SPATA13: variants seen among roughly 807,000 people sequenced by gnomAD.
SPATA13 encodes the protein spermatogenesis-associated protein 13.
A neutral mutation model predicts 104.0 loss-of-function variants in SPATA13; 50 were observed. The ratio of observed to expected loss-of-function variants is 0.48; its 90% CI spans 0.38 to 0.61. The LOEUF (loss-of-function observed/expected upper bound fraction) is 0.61, where lower values mean the gene tolerates loss of function less well. Ranked by LOEUF, SPATA13 falls within the 20% of genes least tolerant of loss-of-function variation. The pLI, the probability that SPATA13 is intolerant of heterozygous loss-of-function variation, is 0.00. For missense variants in SPATA13, 1,524 were observed against 1,690.6 expected, an observed-to-expected ratio of 0.90 and a Z score of 1.73; for synonymous variants, 606 against 667.5, an observed-to-expected ratio of 0.91 and a Z score of 1.42.
chr13:24,099,482 G>T (rs1291770533), intron 3 of SPATA13, among the ~76,000 whole-genome samples: 3 of 152,228 alleles, frequency 2.0e-5, no homozygotes, highest in Admixed American at 6.5e-5. Context: ...GCCCTGTGGG[G>T]CAGTGCAGAC....
At chr13:24,038,249 C>A (rs1315054161) in intron 3 of SPATA13, among the ~76,000 whole-genome samples, 1 of 152,134 alleles carries the variant, frequency 6.6e-6, no homozygotes, top group South Asian at 2.1e-4. Flanking sequence ...ATACTGTGGT[C>A]TTTTTTACAG....
At position 24,011,578 on chromosome 13, in the gene SPATA13, G is replaced by C. The variant is rs931024107; in HGVS notation, c.-146-6089G>C. Among the ~76,000 whole-genome samples, 1 of 152,190 alleles carries C rather than the reference G, an allele frequency of 6.6e-6. No homozygotes were observed. Among genetic ancestry groups the C allele is most frequent in the African/African-American group, 2.4e-5 (1 of 41,454 alleles). On this transcript the variant is annotated intron_variant, in intron 2 of 14. Coordinates refer to the SPATA13 transcript ENST00000424834. This position sits in a 1 kb window ranked among gnomAD's most constrained non-coding sequence, Gnocchi z 4.3. ...CCATGCTCCTGATGGGCCTGATATG[G>C]ATACAGACTAGCATGTCCCATGCAC...
chr13:24,073,558 G>A (rs1879235206), intron 3 of SPATA13, among the ~76,000 whole-genome samples: 1 of 152,206 alleles, frequency 6.6e-6, no homozygotes, highest in Non-Finnish European at 1.5e-5. Context: ...ATTGGTGCCG[G>A]TGGCCATAGC....
intron 3 of SPATA13, among the ~76,000 whole-genome samples, chr13:24,091,306 C>A (rs557911042): frequency 5.1e-4 from 78 of 152,330 alleles, no homozygotes; most frequent in African/African-American, 1.8e-3. Flanking sequence ...TATGTCATAG[C>A]TTTACAAACC....
At chr13:24,212,640 G>C (rs925488406) in intron 1 of SPATA13, among the ~76,000 whole-genome samples, 1 of 152,228 alleles carries the variant, frequency 6.6e-6, no homozygotes, top group East Asian at 1.9e-4. Context: ...GGGGAGGAGA[G>C]GAGAGGGAAA....
rs1421650152 is a variant in SPATA13 at position 24,307,025 on chromosome 13, T to C, written c.*4252T>C. ...ATTTGAATGATTTTTTTAAATGCTG[T>C]GAATCTATATTTGTTGTTTTGTATA... On this transcript the variant is annotated 3_prime_UTR_variant, in exon 13 of 13. Transcript: ENST00000382108. The C allele has an allele frequency of 6.6e-6, 1 of 152,254 alleles. No homozygotes were observed. Among genetic ancestry groups the C allele is most frequent in the Non-Finnish European group, 1.5e-5 (1 of 68,044 alleles). 9.4% of individuals were successfully genotyped at this position (152,254 alleles called of 1,614,324 possible).
chr13:24,090,556 A>G (rs1164901152), intron 3 of SPATA13, among the ~76,000 whole-genome samples: 1 of 152,046 alleles, frequency 6.6e-6, no homozygotes. Flanking sequence ...ACCACGTCCT[A>G]CAGACTACTG....
intron 10 of SPATA13, 152 bp from the exon 11 acceptor site, chr13:24,297,211 A>T: frequency 1.1e-6 from 1 of 904,808 alleles, no homozygotes; most frequent in Non-Finnish European, 1.6e-6. Context: ...GCTAATTTTT[A>T]AAATTTTATG....
intron 2 of SPATA13, among the ~76,000 whole-genome samples, chr13:24,240,766 AG>A (rs1872792957): frequency 6.6e-6 from 1 of 152,226 alleles, no homozygotes; most frequent in African/African-American, 2.4e-5. Flanking sequence ...TCTATAAAAC[AG>A]GTTACATACA....
rs1001614874 is a variant in SPATA13 at position 24,297,535 on chromosome 13, A to G, written c.3383A>G (p.Asp1128Gly). Residue 1128 changes from aspartate (D) to glycine (G), a missense_variant, in exon 11 of 13, where the codon GAC becomes GGC. Transcript: ENST00000382108. The stretch of plus-strand genomic sequence containing the variant: ...ATGCTGTACTACAAGGGCCGGCTGG[A>G]CATGGATGAGATGGAGCTTGTGGAC... ...RDMLYYKGRL[D>G]MDEMELVDLG... The G allele has an allele frequency of 8.1e-6, 13 of 1,614,108 alleles. No individual in the cohort carries two copies. Among genetic ancestry groups the G allele is most frequent in the Non-Finnish European group, 1.1e-5 (13 of 1,180,038 alleles).
chr13:23,996,244 C>T (rs996832001), intron 2 of SPATA13, among the ~76,000 whole-genome samples: 3 of 152,082 alleles, frequency 2.0e-5, no homozygotes, highest in East Asian at 1.9e-4. Context: ...GAGAGTCCGC[C>T]GCCTTGCCTT....
chr13:24,055,962 A>G (rs1878526867), intron 3 of SPATA13, among the ~76,000 whole-genome samples: 1 of 152,240 alleles, frequency 6.6e-6, no homozygotes, highest in South Asian at 2.1e-4. Flanking sequence ...TTTGTGATGC[A>G]AGGAGACATG....
chr13:24,038,841 T>C (rs1474082579), intron 3 of SPATA13, among the ~76,000 whole-genome samples: 1 of 152,190 alleles, frequency 6.6e-6, no homozygotes, highest in Non-Finnish European at 1.5e-5. Flanking sequence ...TTGGGTGGAA[T>C]CCTGGGGACT....
chr13:24,303,777 A>C lies in SPATA13; in HGVS notation c.*1004A>C, dbSNP rs1044657860. 3.3e-5 allele frequency: 5 copies of C among 152,414 alleles called. No individual in the cohort carries two copies. The highest frequency in any genetic ancestry group is 1.2e-4 in the African/African-American group (5 of 41,468). 9.4% of individuals were successfully genotyped at this position (152,414 alleles called of 1,614,324 possible). On this transcript the variant is annotated 3_prime_UTR_variant, in exon 13 of 13. Coordinates refer to ENST00000382108, the MANE Select transcript of SPATA13 (RefSeq NM_001166271.3). The stretch of plus-strand genomic sequence containing the variant: ...AAAAATTAGCTGGGCATGGTGGCGC[A>C]TGCCTGTAATCCCAGCTACTGGGAA...
intron 3 of SPATA13, among the ~76,000 whole-genome samples, chr13:24,142,772 T>C (rs1188816124): frequency 2.0e-5 from 3 of 152,164 alleles, no homozygotes; most frequent in Non-Finnish European, 2.9e-5. Flanking sequence ...TTTTTCTTTC[T>C]CAGGCATTTG....
chr13:24,021,168 A>C (rs573360602), intron 3 of SPATA13, among the ~76,000 whole-genome samples: 38 of 152,346 alleles, frequency 2.5e-4, no homozygotes, highest in African/African-American at 9.1e-4. Context: ...GTATTAGGAG[A>C]GGCAGGAGAG....
At chr13:24,292,212 T>G (rs1876440123) in intron 9 of SPATA13, among the ~76,000 whole-genome samples, 1 of 152,238 alleles carries the variant, frequency 6.6e-6, no homozygotes, top group Non-Finnish European at 1.5e-5. Context: ...TTTGTGTGGT[T>G]ATACATTAGG....
intron 2 of SPATA13, among the ~76,000 whole-genome samples, chr13:23,989,096 TAA>T (rs1875286911): frequency 1.3e-5 from 2 of 152,170 alleles, no homozygotes; most frequent in South Asian, 4.1e-4. Flanking sequence ...GAGAAAGTTA[TAA>T]AAATTTCTAG....
At chr13:24,073,706 G>A (rs1879238758) in intron 3 of SPATA13, among the ~76,000 whole-genome samples, 1 of 152,248 alleles carries the variant, frequency 6.6e-6, no homozygotes, top group Admixed American at 6.5e-5. Flanking sequence ...GTTTGGCCTT[G>A]AGCCTAGTTC....
Sources: gnomAD v4.1 joint callset for allele counts (sites outside exome capture counted in the v4.1 genomes callset) on GRCh38, gnomAD v4.1.1 for gene constraint, Gnocchi (gnomAD v3.1) non-coding constraint, MANE v1.5 for transcripts, NCBI Gene and HGNC (gene_info 2026-07-23, HGNC 2026-07-21) for gene names.